SEMA4B: variants seen among roughly 807,000 people sequenced by gnomAD.
SEMA4B encodes the protein semaphorin 4B.
SEMA4B carries 55 observed loss-of-function variants against 88.1 expected under a neutral mutation model. The ratio of observed to expected loss-of-function variants is 0.62; its 90% CI spans 0.50 to 0.78. The LOEUF is 0.78. Ranked by LOEUF, SEMA4B falls within the 30% of genes least tolerant of loss-of-function variation. SEMA4B has a pLI of 0.00. For missense variants in SEMA4B, 1,062 were observed against 1,111.9 expected, an observed-to-expected ratio of 0.96 and a Z score of 0.64; for synonymous variants, 525 against 473.6, an observed-to-expected ratio of 1.11 and a Z score of -1.41.
Position 90,221,709 on chromosome 15 carries a change from C to T in SEMA4B, c.805C>T (p.Gln269Ter). 1 of 1,614,006 alleles carries T rather than the reference C, an allele frequency of 6.2e-7. No homozygotes were observed. Among genetic ancestry groups the T allele is most frequent in the Non-Finnish European group, 8.5e-7 (1 of 1,179,908 alleles). The change falls in exon 7 of 14, where the codon CAG becomes TAG. Residue 269 changes from glutamine to a stop codon, truncating the protein, a stop_gained. Transcript: ENST00000411539. LOFTEE classifies it high-confidence loss of function. Reference sequence around the variant, plus strand: ...CTACTTTTTCTTCAGCGAGACTGGCCAGGAATTTGAGTTCTTTGAGAACAC... The same window carrying T: ...CTACTTTTTCTTCAGCGAGACTGGCTAGGAATTTGAGTTCTTTGAGAACAC... ...KIYFFFSETG[Q>*]EFEFFENTIV...
chr15:90,219,745 T>G, intron 3 of SEMA4B, 48 bp from the exon 4 acceptor site: 1 of 1,488,868 alleles, frequency 6.7e-7, no homozygotes. Context: ...TGCCCCCTGG[T>G]GGCATGCTTG....
At chr15:90,188,521 G>A (rs879573823) in intron 1 of SEMA4B, among the ~76,000 whole-genome samples, 2 of 151,550 alleles carry the variant, frequency 1.3e-5, no homozygotes, top group Non-Finnish European at 2.9e-5. Flanking sequence ...CCAGCTACCC[G>A]GGAGGCTGAA....
chr15:90,201,321 C>A, upstream of SEMA4B: 1 of 1,179,412 alleles, frequency 8.5e-7, no homozygotes, highest in Non-Finnish European at 1.0e-6. Flanking sequence ...TTCAGCCCCG[C>A]CCTCCGCCGC....
chr15:90,225,240 C>G, intron 10 of SEMA4B, 42 bp from the exon 11 acceptor site: 1 of 1,553,912 alleles, frequency 6.4e-7, no homozygotes, highest in Non-Finnish European at 8.7e-7. Context: ...GGGTCATGGG[C>G]AGTGGGCTCC....
chr15:90,188,729 G>A (rs986247686), intron 1 of SEMA4B, among the ~76,000 whole-genome samples: 1 of 152,008 alleles, frequency 6.6e-6, no homozygotes, highest in Non-Finnish European at 1.5e-5. Context: ...GTGCAGTGGC[G>A]CTATCTCGGC....
At chr15:90,227,835 G>A (rs2151629665) in intron 13 of SEMA4B, 69 bp from the exon 14 acceptor site, 1 of 1,595,636 alleles carries the variant, frequency 6.3e-7, no homozygotes. Context: ...TAGCCCAGAG[G>A]GAGGCAGGGG....
chr15:90,197,504 C>T (rs1038684583), upstream of SEMA4B, among the ~76,000 whole-genome samples: 4 of 151,888 alleles, frequency 2.6e-5, no homozygotes, highest in Admixed American at 6.6e-5. Context: ...GTGGCGCGAT[C>T]TCGGCTCACT....
chr15:90,215,222 CT>C (rs35502396), intron 1 of SEMA4B, among the ~76,000 whole-genome samples: 4,008 of 147,368 alleles, frequency 0.027, 164 homozygotes, highest in African/African-American at 0.087. Context: ...GTGTGTGTTT[CT>C]TTTTTTTTTT....
intron 1 of SEMA4B, among the ~76,000 whole-genome samples, chr15:90,189,401 T>C (rs1476616214): frequency 6.6e-6 from 1 of 152,228 alleles, no homozygotes; most frequent in Non-Finnish European, 1.5e-5. Context: ...GTGACCTTAG[T>C]AAGTCCTGGA....
chr15:90,228,344 C>T lies in SEMA4B; in HGVS notation c.2215C>T (p.Arg739Trp), dbSNP rs201550724. The T allele has an allele frequency of 3.5e-5, 56 of 1,601,236 alleles. No individual in the cohort carries two copies. Among genetic ancestry groups the T allele is most frequent in the African/African-American group, 8.0e-5 (6 of 74,852 alleles). ...GCTCCCAGTTTTATTCTTGCTCTAC[C>T]GGCACCGGAACAGCATGAAAGTCTT... ...VLLPVLFLLYRHRNSMKVFLK... is the reference protein window; with the variant it reads ...VLLPVLFLLYWHRNSMKVFLK... The change falls in exon 14 of 14, where the codon CGG becomes TGG. Residue 739 changes from arginine (R) to tryptophan (W), a missense_variant. Transcript: ENST00000411539.
rs556955646 is a variant in SEMA4B at position 90,212,946 on chromosome 15, C to T, written c.158-4493C>T. Among the ~76,000 whole-genome samples the T allele has an allele frequency of 9.9e-4, 151 of 152,320 alleles. 1 individual carries two copies. Among genetic ancestry groups the T allele is most frequent in the African/African-American group, 3.6e-3 (148 of 41,572 alleles). Reference sequence around the variant, plus strand: ...AGGGAGGCCCGACTCCCGCAAGGAGCCCTGCCCTTCTGCCAGCTCTCACCG... The same window carrying T: ...AGGGAGGCCCGACTCCCGCAAGGAGTCCTGCCCTTCTGCCAGCTCTCACCG... On this transcript the variant is annotated intron_variant, in intron 1 of 13. Coordinates refer to ENST00000411539, the MANE Select transcript of SEMA4B (RefSeq NM_198925.4). This position sits in a 1 kb window ranked among gnomAD's most constrained non-coding sequence, Gnocchi z 4.0.
upstream of SEMA4B, among the ~76,000 whole-genome samples, chr15:90,199,690 G>T (rs1183946794): frequency 6.6e-6 from 1 of 152,124 alleles, no homozygotes; most frequent in Non-Finnish European, 1.5e-5. Context: ...GCGGGGTGTG[G>T]TGGCATAAAC....
At chr15:90,227,702 C>T (rs1250114829) in intron 13 of SEMA4B, 60 bp downstream of exon 13, 1 of 1,557,104 alleles carries the variant, frequency 6.4e-7, no homozygotes, top group Admixed American at 1.7e-5. Context: ...TTGGAAGGCT[C>T]CCCCAGGCAC....
chr15:90,194,267 C>T (rs1203719242), intron 1 of SEMA4B, among the ~76,000 whole-genome samples: 1 of 151,452 alleles, frequency 6.6e-6, no homozygotes, highest in African/African-American at 2.4e-5. Flanking sequence ...CGTGGTGGCT[C>T]ACACCTGTAA....
upstream of SEMA4B, among the ~76,000 whole-genome samples, chr15:90,199,023 A>G (rs569642216): frequency 2.4e-4 from 36 of 152,202 alleles, no homozygotes; most frequent in South Asian, 4.1e-4. Context: ...ACAGGCACAC[A>G]CCACCATGCC....
At chr15:90,192,992 A>C (rs1377890049) in intron 1 of SEMA4B, 1 of 152,568 alleles carries the variant, frequency 6.6e-6, no homozygotes, top group Admixed American at 6.5e-5. Context: ...AGGAAGGTCC[A>C]TGGGGAGGAG....
chr15:90,218,117 G>A (rs553030529), intron 3 of SEMA4B, among the ~76,000 whole-genome samples: 5 of 152,208 alleles, frequency 3.3e-5, no homozygotes, highest in Admixed American at 1.3e-4. Flanking sequence ...GCTAATAGGT[G>A]TAAGGCACCT....
At chr15:90,193,746 A>G (rs1433895197) in intron 1 of SEMA4B, among the ~76,000 whole-genome samples, 1 of 152,130 alleles carries the variant, frequency 6.6e-6, no homozygotes, top group Non-Finnish European at 1.5e-5. Flanking sequence ...AACATCAGGT[A>G]CTGTTCTAGG....
intron 2 of SEMA4B, 79 bp downstream of exon 2, chr15:90,217,681 G>A (rs370098698): frequency 1.6e-5 from 25 of 1,603,736 alleles, no homozygotes; most frequent in Non-Finnish European, 2.0e-5. Flanking sequence ...TGACCTTCTG[G>A]GTCCAAGGAT....
Sources: gnomAD v4.1 joint callset for allele counts (sites outside exome capture counted in the v4.1 genomes callset) on GRCh38, gnomAD v4.1.1 for gene constraint, Gnocchi (gnomAD v3.1) non-coding constraint, MANE v1.5 for transcripts, NCBI Gene and HGNC (gene_info 2026-07-23, HGNC 2026-07-21) for gene names.